TFRC: variants seen among roughly 807,000 people sequenced by gnomAD.
TFRC encodes transferrin receptor.
TFRC carries 35 observed loss-of-function variants against 85.8 expected under a neutral mutation model. That is an observed-to-expected ratio of 0.41 (90% CI 0.31 to 0.54). The LOEUF (loss-of-function observed/expected upper bound fraction) is 0.54. TFRC is among the 20% of genes least tolerant of loss of function. The probability of loss-of-function intolerance (pLI) is 0.31; values close to 1 mark genes in which losing one functional copy is unlikely to be tolerated. For synonymous variants in TFRC, 362 were observed against 328.6 expected, an observed-to-expected ratio of 1.10 and a Z score of -1.10; for missense variants, 828 against 921.5, an observed-to-expected ratio of 0.90 and a Z score of 1.31.
intron 6 of TFRC, among the ~76,000 whole-genome samples, chr3:196,070,910 AC>A (rs1718146905): frequency 6.6e-6 from 1 of 152,086 alleles, no homozygotes; most frequent in African/African-American, 2.4e-5. Context: ...ACGCCACTGC[AC>A]TCCAGCTAGG....
intron 9 of TFRC, 47 bp downstream of exon 9, chr3:196,067,471 A>C: frequency 6.4e-7 from 1 of 1,570,106 alleles, no homozygotes; most frequent in Non-Finnish European, 8.7e-7. Flanking sequence ...GTTCTTCCCT[A>C]ATCATAAAAC....
At chr3:196,077,266 A>G (rs1560092052) in intron 1 of TFRC, 144 bp from the exon 2 acceptor site, 5 of 574,002 alleles carry the variant, frequency 8.7e-6, no homozygotes, top group Non-Finnish European at 1.5e-5. Flanking sequence ...AGTTTACATG[A>G]CAACTAAATT....
intron 13 of TFRC, chr3:196,062,332 G>A (rs2108643442): frequency 2.3e-6 from 1 of 433,482 alleles, no homozygotes; most frequent in African/African-American, 2.1e-5. Context: ...AGGAGTTCGA[G>A]ACCATCCTGG....
chr3:196,065,544 A>G lies in TFRC; in HGVS notation c.1097T>C (p.Val366Ala), dbSNP rs751630988. 1 of 1,611,332 alleles carries G rather than the reference A, an allele frequency of 6.2e-7. No homozygotes were observed. The highest frequency in any genetic ancestry group is 8.5e-7 in the Non-Finnish European group (1 of 1,179,186). ...DWKTDSTCRM[V>A]TSESKNVKLT... ...CTTCACATTCTTGCTTTCTGAGGTT[A>G]CCATCCTACATGTAGAGTCTGTTTT... Residue 366 changes from valine (V) to alanine (A), a missense_variant, in exon 10 of 19, where the codon GTA becomes GCA. Physicochemically the swap from Val to Ala is moderately conservative, Grantham distance 64. Transcript: ENST00000360110.
intron 4 of TFRC, among the ~76,000 whole-genome samples, chr3:196,073,051 A>ACAAACAAACAAAC (rs1553798527): frequency 4.7e-5 from 7 of 147,858 alleles, no homozygotes; most frequent in Non-Finnish European, 9.0e-5. Flanking sequence ...AAAAAAAAAA[A>ACAAACAAACAAAC]AAAAAAAAAC....
At chr3:196,076,993 TACTC>T in intron 2 of TFRC, 67 bp downstream of exon 2, 1 of 1,398,234 alleles carries the variant, frequency 7.2e-7, no homozygotes, top group East Asian at 2.3e-5. Flanking sequence ...ATTTCATGCT[TACTC>T]AGTTAAAGTC....
intron 10 of TFRC, among the ~76,000 whole-genome samples, chr3:196,064,804 C>G (rs961344986): frequency 6.6e-6 from 1 of 152,238 alleles, no homozygotes; most frequent in South Asian, 2.1e-4. Flanking sequence ...CAGAGTTGAA[C>G]AGCTAAAAGA....
intron 18 of TFRC, among the ~76,000 whole-genome samples, chr3:196,052,444 T>C (rs1716410087): frequency 6.6e-6 from 1 of 151,850 alleles, no homozygotes; most frequent in Non-Finnish European, 1.5e-5. Flanking sequence ...CGTGCCCGGC[T>C]TTTTGTTGTT....
At chr3:196,070,265 ATTT>A (rs35819676) in intron 6 of TFRC, among the ~76,000 whole-genome samples, 64 of 143,132 alleles carry the variant, frequency 4.5e-4, no homozygotes, top group East Asian at 2.3e-3. Context: ...TACAAATGTG[ATTT>A]TTTTTTTTTT....
intron 18 of TFRC, among the ~76,000 whole-genome samples, chr3:196,052,435 G>A (rs1716409344): frequency 1.3e-5 from 2 of 151,260 alleles, no homozygotes; most frequent in Non-Finnish European, 2.9e-5. Flanking sequence ...GTGAGCCACC[G>A]TGCCCGGCTT....
intron 4 of TFRC, among the ~76,000 whole-genome samples, chr3:196,073,046 A>AAAACAAACAAAC (rs1553798497): frequency 9.3e-5 from 12 of 128,432 alleles, no homozygotes; most frequent in Non-Finnish European, 1.0e-4. Flanking sequence ...CAAAAAAAAA[A>AAAACAAACAAAC]AAAAAAAAAA....
intron 1 of TFRC, among the ~76,000 whole-genome samples, chr3:196,079,824 G>GC (rs1188129834): frequency 2.0e-5 from 3 of 152,010 alleles, no homozygotes; most frequent in Non-Finnish European, 4.4e-5. Context: ...ACAGAATCCA[G>GC]CCCCTGTTTT....
chr3:196,053,316 A>C lies in TFRC; in HGVS notation c.2040+102T>G. The C allele has an allele frequency of 1.8e-5, 24 of 1,323,232 alleles. No individual in the cohort carries two copies. The South Asian group carries it at 3.1e-4, about 17-fold the overall frequency. The allele number at this position is 1,323,232 out of a possible 1,614,324, so 82.0% of individuals were successfully genotyped here. ...TAAACCATTAATGCTCCCTTCTTAA[A>C]GGAATTCTAGACTCCTAGAGTTTGT... On this transcript the variant is annotated intron_variant, in intron 18 of 18. Transcript: ENST00000360110.
At chr3:196,052,515 A>G (rs924244797) in intron 18 of TFRC, among the ~76,000 whole-genome samples, 2 of 151,890 alleles carry the variant, frequency 1.3e-5, no homozygotes, top group South Asian at 4.2e-4. Flanking sequence ...ATCTCAGCTC[A>G]CTGCAACCTC....
rs1317436437 is a variant in TFRC at position 196,065,256 on chromosome 3, CTT to C, written c.1198+185_1198+186del. On this transcript the variant is annotated intron_variant, in intron 10 of 18. Transcript: ENST00000360110. ...CAGCCTGGGCAACAAGAGTGAAACT[CTT>C]TCTCAAAAAAAAAAAAAAGAAACTA... 7.1e-3 allele frequency among the ~76,000 whole-genome samples: 638 copies of C among 90,390 alleles called. 10 individuals carry two copies. Among genetic ancestry groups the C allele is most frequent in the African/African-American group, 0.019 (615 of 32,474 alleles). The allele number at this position is 90,390 out of a possible 152,430, so 59.3% of individuals were successfully genotyped here.
chr3:196,057,377 C>T (rs548096437), intron 16 of TFRC, among the ~76,000 whole-genome samples: 6 of 152,106 alleles, frequency 3.9e-5, no homozygotes, highest in Non-Finnish European at 5.9e-5. Flanking sequence ...GACCCTCTCA[C>T]GCAGACTCCC....
chr3:196,056,431 GCT>G (rs1334721177), intron 16 of TFRC, among the ~76,000 whole-genome samples: 1 of 151,912 alleles, frequency 6.6e-6, no homozygotes, highest in Non-Finnish European at 1.5e-5. Context: ...AGACGATCTT[GCT>G]CTGTTGCCCA....
At chr3:196,065,418 G>GGC in intron 10 of TFRC, 25 bp downstream of exon 10, 1 of 6,884 alleles carries the variant, frequency 1.5e-4, no homozygotes, top group Non-Finnish European at 2.5e-4. Flanking sequence ...AAAGCGGGGC[G>GGC]GGGGGGGGGG....
chr3:196,067,668 A>G lies in TFRC; in HGVS notation c.901-11T>C, dbSNP rs777559392. ...TGTCCCCAGATGAGCCTAGGAAAAC[A>G]AAAGAGCAATTCACTCCATCACATA... On this transcript the variant is annotated splice_polypyrimidine_tract_variant and intron_variant, in intron 8 of 18. Coordinates refer to ENST00000360110, the MANE Select transcript of TFRC (RefSeq NM_001128148.3). 1 of 1,612,412 alleles carries G rather than the reference A, an allele frequency of 6.2e-7. No individual in the cohort carries two copies. Among genetic ancestry groups the G allele is most frequent in the Non-Finnish European group, 8.5e-7 (1 of 1,179,334 alleles).
Sources: gnomAD v4.1 joint callset for allele counts (sites outside exome capture counted in the v4.1 genomes callset) on GRCh38, gnomAD v4.1.1 for gene constraint, MANE v1.5 for transcripts, NCBI Gene and HGNC (gene_info 2026-07-23, HGNC 2026-07-21) for gene names.